Variants in PTPRG observed in about 807,000 individuals in gnomAD.
PTPRG encodes protein tyrosine phosphatase receptor type G.
Under a neutral mutation model 165.3 loss-of-function variants are expected in PTPRG, and 102 were observed. That is an observed-to-expected ratio of 0.62 (90% CI 0.53 to 0.73). The LOEUF is 0.73. PTPRG is among the 30% of genes least tolerant of loss of function. The pLI is 0.00. For missense variants in PTPRG, 1,866 were observed against 1,861.4 expected, an observed-to-expected ratio of 1.00 and a Z score of -0.05; for synonymous variants, 675 against 669.5, an observed-to-expected ratio of 1.01 and a Z score of -0.13.
intron 2 of PTPRG, among the ~76,000 whole-genome samples, chr3:61,912,536 C>A (rs1467000193): frequency 6.6e-6 from 1 of 152,118 alleles, no homozygotes. Flanking sequence ...GAAAAAAAAT[C>A]CTTTGGAATT....
Position 62,281,658 on chromosome 3 carries a change from C to T in PTPRG, c.3861C>T (p.Leu1287=). ...VTLISKDRLC[L]SNEEQIIIHD... ...TTATCAGCAAAGACAGACTGTGCCT[C>T]TCTAATGAAGAACAAATTATCATCC... Residue 1287 remains leucine, a synonymous_variant, in exon 27 of 30, where the codon CTC becomes CTT. Coordinates refer to ENST00000474889, the MANE Select transcript of PTPRG (RefSeq NM_002841.4). The T allele has an allele frequency of 6.2e-7, 1 of 1,609,616 alleles. No homozygotes were observed. The highest frequency in any genetic ancestry group is 8.5e-7 in the Non-Finnish European group (1 of 1,177,876).
chr3:62,066,812 G>A (rs1179056796), intron 4 of PTPRG, among the ~76,000 whole-genome samples: 2 of 152,116 alleles, frequency 1.3e-5, no homozygotes, highest in African/African-American at 4.8e-5. Context: ...GGCCGAGGTG[G>A]GCGGATCATG....
At chr3:62,225,165 A>T (rs1032421849) in intron 13 of PTPRG, among the ~76,000 whole-genome samples, 2 of 152,206 alleles carry the variant, frequency 1.3e-5, no homozygotes, top group Non-Finnish European at 2.9e-5. Context: ...GTAGTAAAAC[A>T]TACCTTTTGA....
At chr3:62,029,116 A>G (rs1260616524) in intron 4 of PTPRG, among the ~76,000 whole-genome samples, 4 of 152,072 alleles carry the variant, frequency 2.6e-5, no homozygotes, top group South Asian at 2.1e-4. Context: ...AGCGTGTGTG[A>G]GTGTCTTCTC....
At chr3:61,956,322 T>G (rs540913928) in intron 2 of PTPRG, among the ~76,000 whole-genome samples, 1 of 152,116 alleles carries the variant, frequency 6.6e-6, no homozygotes, top group East Asian at 1.9e-4. Context: ...TTACTACATA[T>G]TCATACATTT....
chr3:62,124,286 G>T, intron 5 of PTPRG: 3 of 1,565,070 alleles, frequency 1.9e-6, no homozygotes, highest in Non-Finnish European at 2.6e-6. Flanking sequence ...GCTGATGTCC[G>T]TGTTGAGGGT....
intron 4 of PTPRG, among the ~76,000 whole-genome samples, chr3:62,063,557 A>G (rs949126652): frequency 6.6e-6 from 1 of 152,226 alleles, no homozygotes; most frequent in Non-Finnish European, 1.5e-5. Context: ...TTTTATGGCT[A>G]GGTAGGTGGG....
chr3:61,605,933 A>G (rs1023677178), intron 1 of PTPRG, among the ~76,000 whole-genome samples: 15 of 152,122 alleles, frequency 9.9e-5, no homozygotes, highest in African/African-American at 3.4e-4. Context: ...GGCATCTCCC[A>G]CTGCCATGCT....
intron 1 of PTPRG, among the ~76,000 whole-genome samples, chr3:61,739,883 A>T (rs1257178901): frequency 6.6e-6 from 1 of 152,232 alleles, no homozygotes; most frequent in African/African-American, 2.4e-5. Flanking sequence ...TTCACATAGC[A>T]TATTGTTGCC....
At position 61,670,612 on chromosome 3, in the gene PTPRG, C is replaced by T. The variant is rs755356053; in HGVS notation, c.86-78266C>T. Among the ~76,000 whole-genome samples, 10 of 152,172 alleles carry T rather than the reference C, an allele frequency of 6.6e-5. No homozygotes were observed. In the South Asian group the frequency reaches 1.0e-3, roughly 16 times the overall value. On this transcript the variant is annotated intron_variant, in intron 1 of 29. Transcript: ENST00000474889. The stretch of plus-strand genomic sequence containing the variant: ...TAGAGCAGACCCACTAACTCATTAA[C>T]CTCTCTGACACGAAATAGAAACCTT...
intron 2 of PTPRG, among the ~76,000 whole-genome samples, chr3:61,822,967 A>G (rs1237542047): frequency 6.6e-6 from 1 of 152,184 alleles, no homozygotes; most frequent in Non-Finnish European, 1.5e-5. Flanking sequence ...GAAAGAGAGG[A>G]ACAAGTGAGT....
chr3:62,239,113 A>G (rs1701096961), intron 14 of PTPRG, among the ~76,000 whole-genome samples: 1 of 152,156 alleles, frequency 6.6e-6, no homozygotes, highest in African/African-American at 2.4e-5. Flanking sequence ...TTTCATTACA[A>G]ACATCTATTT....
chr3:61,621,051 A>ATATATATGTGTGTGTGTGTGTG, intron 1 of PTPRG, among the ~76,000 whole-genome samples: 77 of 117,990 alleles, frequency 6.5e-4, no homozygotes, highest in African/African-American at 2.2e-3. Context: ...ATATATATAT[A>ATATATATGTGTGTGTGTGTGTG]TGTGTGTGTG....
At chr3:61,643,087 A>T (rs896743418) in intron 1 of PTPRG, among the ~76,000 whole-genome samples, 4 of 152,236 alleles carry the variant, frequency 2.6e-5, no homozygotes, top group Admixed American at 2.0e-4. Flanking sequence ...TTTCTTTAAC[A>T]AATAAATTAC....
intron 2 of PTPRG, among the ~76,000 whole-genome samples, chr3:61,954,628 G>A (rs1268262169): frequency 6.6e-6 from 1 of 152,188 alleles, no homozygotes; most frequent in Non-Finnish European, 1.5e-5. Flanking sequence ...CTAGACTCAA[G>A]CGAAGCCAGG....
intron 2 of PTPRG, among the ~76,000 whole-genome samples, chr3:61,960,155 T>A (rs1308370690): frequency 6.6e-6 from 1 of 152,278 alleles, no homozygotes; most frequent in Middle Eastern, 3.4e-3. Flanking sequence ...TGTGTTAGTT[T>A]ACTTGCTTCA....
intron 4 of PTPRG, among the ~76,000 whole-genome samples, chr3:62,045,239 T>A (rs1700251554): frequency 6.6e-6 from 1 of 152,236 alleles, no homozygotes; most frequent in South Asian, 2.1e-4. Flanking sequence ...AAGCCTTGAA[T>A]TATTTATGCA....
In PTPRG at chr3:62,191,558, C is replaced by T. The variant is rs1699820451; in HGVS notation, c.1123C>T (p.His375Tyr). 6.2e-7 allele frequency: 1 copy of T among 1,614,002 alleles called. No individual in the cohort carries two copies. Among genetic ancestry groups the T allele is most frequent in the African/African-American group, 1.3e-5 (1 of 74,922 alleles). The change falls in exon 9 of 30, where the codon CAC (histidine) becomes TAC (tyrosine). Residue 375 changes from histidine (H) to tyrosine (Y), a missense_variant. His to Tyr is a moderately conservative substitution (Grantham distance 83, BLOSUM62 2). Around this residue, in one of 3 missense-constraint regions of PTPRG, gnomAD observed 1,452 missense variants for 1,463.0 expected, o/e 0.99. Coordinates refer to ENST00000474889, the MANE Select transcript of PTPRG (RefSeq NM_002841.4). Reference sequence around the variant, plus strand: ...CTGGAGCCAGCCGGAGACTATCTACCACCCACCCATCATGAACTACATGAT... The same window carrying T: ...CTGGAGCCAGCCGGAGACTATCTACTACCCACCCATCATGAACTACATGAT... ...VSWSQPETIY[H>Y]PPIMNYMISY...
At chr3:61,903,477 G>A (rs2038553578) in intron 2 of PTPRG, among the ~76,000 whole-genome samples, 1 of 152,188 alleles carries the variant, frequency 6.6e-6, no homozygotes. Context: ...GGGTTCAGGT[G>A]ATTCTCGTGT....
Sources: gnomAD v4.1 joint callset for allele counts (sites outside exome capture counted in the v4.1 genomes callset) on GRCh38, gnomAD v4.1.1 for gene constraint, gnomAD v4.1.1 regional missense constraint, MANE v1.5 for transcripts, NCBI Gene and HGNC (gene_info 2026-07-23, HGNC 2026-07-21) for gene names.